Variants in EDAR observed in about 807,000 individuals in gnomAD.
EDAR encodes the protein tumor necrosis factor receptor superfamily member EDAR.
EDAR carries 38 observed loss-of-function variants against 51.3 expected under a neutral mutation model. The ratio of observed to expected loss-of-function variants is 0.74; its 90% confidence interval spans 0.57 to 0.97. The LOEUF (loss-of-function observed/expected upper bound fraction) is 0.97. EDAR is among the 50% of genes least tolerant of loss of function. EDAR has a pLI of 0.00. For synonymous variants in EDAR, 227 were observed against 242.1 expected, an observed-to-expected ratio of 0.94 and a Z score of 0.58; for missense variants, 528 against 595.0, an observed-to-expected ratio of 0.89 and a Z score of 1.17.
chr2:108,936,312 C>T (rs1697467511), intron 1 of EDAR, among the ~76,000 whole-genome samples: 1 of 152,366 alleles, frequency 6.6e-6, no homozygotes. Flanking sequence ...GCGTGCTTAC[C>T]TGGCCTGGCC....
chr2:108,906,344 G>C lies in EDAR; in HGVS notation c.988C>G (p.Leu330Val). The C allele has an allele frequency of 6.2e-7, 1 of 1,614,184 alleles. No individual in the cohort carries two copies. The highest frequency in any genetic ancestry group is 8.5e-7 in the Non-Finnish European group (1 of 1,180,038). ...CCACACACGTTGGCATACACATCGA[G>C]GATCTTTTTCCTCCGGCTTTGAATC... ...AGIQSRRKKILDVYANVCGVV... is the reference protein window; with the variant it reads ...AGIQSRRKKIVDVYANVCGVV... Residue 330 changes from leucine to valine, a missense_variant, in exon 11 of 12, where the codon CTC (leucine) becomes GTC (valine). Physicochemically the swap from Leu to Val is conservative, Grantham distance 32. Coordinates refer to ENST00000258443, the MANE Select transcript of EDAR (RefSeq NM_022336.4).
At chr2:108,962,703 A>AGG (rs796344326) in intron 1 of EDAR, among the ~76,000 whole-genome samples, 5 of 127,850 alleles carry the variant, frequency 3.9e-5, no homozygotes, top group African/African-American at 8.1e-5. Flanking sequence ...AAAAAAAAAG[A>AGG]GAGAAAGGAA....
At chr2:108,965,273 C>T (rs899372465) in intron 1 of EDAR, among the ~76,000 whole-genome samples, 13 of 152,050 alleles carry the variant, frequency 8.5e-5, no homozygotes, top group Admixed American at 3.3e-4. Flanking sequence ...GTCAGGAGAT[C>T]GAGACCATCC....
At chr2:108,940,567 C>T (rs1439903562) in intron 1 of EDAR, among the ~76,000 whole-genome samples, 1 of 152,260 alleles carries the variant, frequency 6.6e-6, no homozygotes, top group Admixed American at 6.5e-5. Context: ...GAGGTGAGAG[C>T]AGCCAGGCTC....
intron 1 of EDAR, among the ~76,000 whole-genome samples, chr2:108,977,814 G>A (rs992783504): frequency 6.6e-6 from 1 of 152,158 alleles, no homozygotes; most frequent in African/African-American, 2.4e-5. Context: ...GCTGAGAGCC[G>A]CACCCTCTTT....
Position 108,923,429 on chromosome 2 carries a change from C to G in EDAR, c.381G>C (p.Pro127=), listed in dbSNP as rs1231995132. The G allele has an allele frequency of 6.2e-7, 1 of 1,614,192 alleles. No individual in the cohort carries two copies. The highest frequency in any genetic ancestry group is 1.7e-5 in the Admixed American group (1 of 60,016). The change falls in exon 5 of 12, where the codon CCG becomes CCC. Residue 127 remains proline, a synonymous_variant. Coordinates refer to ENST00000258443, the MANE Select transcript of EDAR (RefSeq NM_022336.4). Reference sequence around the variant, plus strand: ...AGCAGACCATGCCATAGATGTTCCTCGGTCTGTTCTCCAGCATGTAGTAGC... The same window carrying G: ...AGCAGACCATGCCATAGATGTTCCTGGGTCTGTTCTCCAGCATGTAGTAGC... ...LPGYYMLENR[P]RNIYGMVCYS...
chr2:108,897,177 C>A lies in EDAR; in HGVS notation c.1077G>T (p.Met359Ile). The part of the protein sequence containing the change: ...PFDCLEKTSR[M>I]LSSTYNSEKA... ...TCTCAGAGTTGTACGTGGAGCTGAG[C>A]ATTCGGCTAGTCTTCTCGAGGCAAT... The change falls in exon 12 of 12, where the codon ATG becomes ATT. Residue 359 changes from methionine (M) to isoleucine (I), a missense_variant. Transcript: ENST00000258443. 1 of 1,613,856 alleles carries A rather than the reference C, an allele frequency of 6.2e-7. No homozygotes were observed.
chr2:108,970,226 C>T (rs1199566818), intron 1 of EDAR, among the ~76,000 whole-genome samples: 2 of 152,292 alleles, frequency 1.3e-5, no homozygotes, highest in East Asian at 3.9e-4. Context: ...TCAGAATCTA[C>T]ATTTTTAGCA....
intron 1 of EDAR, among the ~76,000 whole-genome samples, chr2:108,945,481 A>G (rs1697697843): frequency 6.6e-6 from 1 of 152,176 alleles, no homozygotes. Flanking sequence ...AAAAGGGGCA[A>G]TGTCTCTGGG....
rs1372279646 is a variant in EDAR at position 108,911,053 on chromosome 2, G to C, written c.549C>G (p.His183Gln). The C allele has an allele frequency of 2.5e-6, 4 of 1,614,090 alleles. No individual in the cohort carries two copies. Among genetic ancestry groups the C allele is most frequent in the African/African-American group, 1.3e-5 (1 of 74,934 alleles). The change falls in exon 7 of 12, where the codon CAC becomes CAG. Residue 183 changes from histidine (H) to glutamine (Q), a missense_variant. Coordinates refer to ENST00000258443, the MANE Select transcript of EDAR (RefSeq NM_022336.4). ...TTGCAATGATCAGGGCAGTGGCCAGGTGTCCTTGGCCTGAGAGTTCTGTGG... is the reference window on the plus strand; with the variant it reads ...TTGCAATGATCAGGGCAGTGGCCAGCTGTCCTTGGCCTGAGAGTTCTGTGG... ...HAHKELSGQG[H>Q]LATALIIAMS...
chr2:108,972,368 C>G (rs1387755953), intron 1 of EDAR, among the ~76,000 whole-genome samples: 2 of 152,224 alleles, frequency 1.3e-5, no homozygotes, highest in African/African-American at 4.8e-5. Flanking sequence ...AGGGGCAGGG[C>G]ACTGCATGGT....
At chr2:108,902,098 C>A (rs2105381095) in intron 11 of EDAR, among the ~76,000 whole-genome samples, 1 of 151,898 alleles carries the variant, frequency 6.6e-6, no homozygotes, top group South Asian at 2.1e-4. Context: ...ATTAGCTGGG[C>A]ATGGTGGCAT....
chr2:108,942,596 T>A (rs904515960), intron 1 of EDAR, among the ~76,000 whole-genome samples: 5 of 152,256 alleles, frequency 3.3e-5, no homozygotes, highest in Non-Finnish European at 7.3e-5. Context: ...TTTGTGAGTC[T>A]GCGCTGAGTG....
intron 11 of EDAR, among the ~76,000 whole-genome samples, chr2:108,903,338 G>A (rs140990999): frequency 0.02 from 3,079 of 152,144 alleles, 90 homozygotes; most frequent in African/African-American, 0.071. Flanking sequence ...CAGTTTTGTT[G>A]CAACTCATTA....
At chr2:108,978,061 C>A (rs17034725) in intron 1 of EDAR, among the ~76,000 whole-genome samples, 4 of 152,168 alleles carry the variant, frequency 2.6e-5, no homozygotes, top group African/African-American at 9.7e-5. Context: ...TTCCTTCTCC[C>A]GACAAATGGC....
chr2:108,921,615 A>T (rs1230991619), intron 5 of EDAR, among the ~76,000 whole-genome samples: 2 of 151,916 alleles, frequency 1.3e-5, no homozygotes. Context: ...GGTCTTAGTG[A>T]CTCCATGGGG....
intron 4 of EDAR, among the ~76,000 whole-genome samples, chr2:108,923,851 G>A (rs1035361681): frequency 6.6e-6 from 1 of 152,244 alleles, no homozygotes; most frequent in Non-Finnish European, 1.5e-5. Context: ...CATGCCCTCT[G>A]TGAGCACCCT....
intron 4 of EDAR, among the ~76,000 whole-genome samples, chr2:108,927,130 C>T (rs1276515864): frequency 6.6e-6 from 1 of 152,204 alleles, no homozygotes; most frequent in East Asian, 1.9e-4. Flanking sequence ...TGGAAACTGT[C>T]CCCATCGTCT....
At chr2:108,988,772 C>T (rs1376977068) in intron 1 of EDAR, among the ~76,000 whole-genome samples, 188 bp downstream of exon 1, 1 of 152,158 alleles carries the variant, frequency 6.6e-6, no homozygotes, top group African/African-American at 2.4e-5. Flanking sequence ...TTTTCTAAAA[C>T]AAAGGAACAA....
Sources: allele counts gnomAD v4.1 joint callset (sites outside exome capture counted in the v4.1 genomes callset), GRCh38; gene constraint gnomAD v4.1.1; transcripts MANE v1.5; gene names NCBI Gene and HGNC (gene_info 2026-07-23, HGNC 2026-07-21).